Variants in CNTNAP2 observed in about 807,000 individuals in gnomAD.
CNTNAP2 encodes contactin-associated protein-like 2.
A neutral mutation model predicts 155.2 loss-of-function variants in CNTNAP2; 98 were observed. That is an observed-to-expected ratio of 0.63 (90% CI 0.54 to 0.75). The LOEUF is 0.75. Ranked by LOEUF, CNTNAP2 falls within the 30% of genes least tolerant of loss-of-function variation. CNTNAP2 has a pLI of 0.00. For synonymous variants in CNTNAP2, 651 were observed against 631.2 expected (o/e 1.03, Z -0.47); for missense variants, 1,727 against 1,688.1 (o/e 1.02, Z -0.40).
intron 1 of CNTNAP2, among the ~76,000 whole-genome samples, chr7:146,523,982 G>A (rs952648006): frequency 4.6e-5 from 7 of 151,980 alleles, no homozygotes; most frequent in African/African-American, 1.4e-4. Context: ...TGAAAAGTCC[G>A]AGCAAAACTC....
At chr7:147,627,203 T>C (rs1794996214) in intron 12 of CNTNAP2, among the ~76,000 whole-genome samples, 1 of 152,138 alleles carries the variant, frequency 6.6e-6, no homozygotes, top group Non-Finnish European at 1.5e-5. Flanking sequence ...ACTGAAATAA[T>C]CTACGCAAAC....
intron 8 of CNTNAP2, among the ~76,000 whole-genome samples, chr7:147,271,762 C>G (rs144704566): frequency 6.6e-6 from 1 of 152,096 alleles, no homozygotes; most frequent in Non-Finnish European, 1.5e-5. Context: ...CATGATTCAG[C>G]GATCTCCTAC....
intron 13 of CNTNAP2, among the ~76,000 whole-genome samples, chr7:147,824,492 C>T (rs577609259): frequency 7.2e-5 from 11 of 152,194 alleles, no homozygotes; most frequent in African/African-American, 2.6e-4. Context: ...GCTTACCAAA[C>T]AATTGAGGCC....
intron 10 of CNTNAP2, among the ~76,000 whole-genome samples, chr7:147,449,193 G>C (rs937306259): frequency 1.3e-5 from 2 of 151,922 alleles, no homozygotes; most frequent in Non-Finnish European, 2.9e-5. Flanking sequence ...CCTACAAAAA[G>C]AAATCTTAGC....
At chr7:147,513,988 G>A (rs971655943) in intron 11 of CNTNAP2, among the ~76,000 whole-genome samples, 1 of 152,154 alleles carries the variant, frequency 6.6e-6, no homozygotes, top group African/African-American at 2.4e-5. Context: ...TTCACCAGAG[G>A]TAGAGAGCAC....
intron 11 of CNTNAP2, among the ~76,000 whole-genome samples, chr7:147,548,021 G>A (rs1003389938): frequency 6.6e-6 from 1 of 152,120 alleles, no homozygotes; most frequent in East Asian, 1.9e-4. Flanking sequence ...TGGGCATTTT[G>A]GTTGGTTCTA....
chr7:146,237,636 T>C (rs1481851290), intron 1 of CNTNAP2, among the ~76,000 whole-genome samples: 1 of 151,990 alleles, frequency 6.6e-6, no homozygotes, highest in African/African-American at 2.4e-5. Flanking sequence ...ATTTCTGATA[T>C]GAAATACATT....
intron 22 of CNTNAP2, chr7:148,389,566 C>G (rs1799299396): frequency 6.6e-6 from 1 of 152,198 alleles, no homozygotes; most frequent in Non-Finnish European, 1.5e-5. Context: ...TCACTTTACT[C>G]TATGGATGCA....
chr7:147,055,784 C>T (rs1030617521), intron 4 of CNTNAP2, among the ~76,000 whole-genome samples: 6 of 151,992 alleles, frequency 3.9e-5, no homozygotes, highest in Admixed American at 1.3e-4. Context: ...TAGGAGGGAA[C>T]GGAAGCCCAA....
chr7:146,641,329 AAAAT>A (rs1799703889), intron 1 of CNTNAP2, among the ~76,000 whole-genome samples: 1 of 152,348 alleles, frequency 6.6e-6, no homozygotes, highest in Admixed American at 6.5e-5. Flanking sequence ...CCGTCTCAAA[AAAAT>A]AAATAAAAAT....
At chr7:147,814,075 C>A (rs1392027782) in intron 13 of CNTNAP2, among the ~76,000 whole-genome samples, 1 of 152,014 alleles carries the variant, frequency 6.6e-6, no homozygotes, top group Non-Finnish European at 1.5e-5. Context: ...TTTTGCCTTT[C>A]CAAAAGGGAT....
At position 148,217,539 on chromosome 7, in the gene CNTNAP2, A is replaced by G. The variant is rs201602527; in HGVS notation, c.3247+15A>G. ...CAAACCCACTGGTAAGGACAAGGAT[A>G]CCCAGCCTCTGCCATTTAACATTTG... On this transcript the variant is annotated intron_variant, in intron 19 of 23. Transcript: ENST00000361727. The G allele has an allele frequency of 3.8e-4, 612 of 1,609,816 alleles. No homozygotes were observed. Among genetic ancestry groups the G allele is most frequent in the Non-Finnish European group, 4.9e-4 (577 of 1,176,290 alleles).
intron 4 of CNTNAP2, chr7:147,080,946 ATTGT>A (rs1177978601): frequency 2.6e-5 from 4 of 151,970 alleles, no homozygotes; most frequent in African/African-American, 9.7e-5. Context: ...CACACATAAT[ATTGT>A]TTATTTCTCC....
intron 17 of CNTNAP2, among the ~76,000 whole-genome samples, chr7:148,157,712 G>A (rs577362364): frequency 6.6e-6 from 1 of 152,122 alleles, no homozygotes; most frequent in African/African-American, 2.4e-5. Context: ...TGTGATGCTG[G>A]CTGCAATCCT....
chr7:146,867,722 G>T (rs1184109076), intron 3 of CNTNAP2, among the ~76,000 whole-genome samples: 1 of 151,120 alleles, frequency 6.6e-6, no homozygotes, highest in Non-Finnish European at 1.5e-5. Flanking sequence ...TCTGACTGGC[G>T]TGAGGTGGTA....
At chr7:146,337,861 T>C (rs570043652) in intron 1 of CNTNAP2, among the ~76,000 whole-genome samples, 3 of 152,294 alleles carry the variant, frequency 2.0e-5, no homozygotes, top group African/African-American at 7.2e-5. Flanking sequence ...ACCTTACACA[T>C]AAATGAGTTT....
chr7:147,938,803 T>G (rs1800663386), intron 14 of CNTNAP2, among the ~76,000 whole-genome samples: 1 of 152,114 alleles, frequency 6.6e-6, no homozygotes, highest in African/African-American at 2.4e-5. Flanking sequence ...GCTATTGTAT[T>G]TTTCTAGTTT....
At chr7:146,443,052 A>T (rs1796348059) in intron 1 of CNTNAP2, among the ~76,000 whole-genome samples, 1 of 151,656 alleles carries the variant, frequency 6.6e-6, no homozygotes, top group Non-Finnish European at 1.5e-5. Flanking sequence ...TAAAAAAAAA[A>T]TACAAAAAAA....
Position 148,043,058 on chromosome 7 carries a change from C to T in CNTNAP2, c.2383+65069C>T, listed in dbSNP as rs549209848. 2.6e-5 allele frequency among the ~76,000 whole-genome samples: 4 copies of T among 152,326 alleles called. No homozygotes were observed. The South Asian group carries it at 8.3e-4, about 32-fold the overall frequency. Reference sequence around the variant, plus strand: ...CAGCTTTGATGCAAGACTTCACCTGCTAAAAGCATCTCTTTATGGTTTGAC... The same window carrying T: ...CAGCTTTGATGCAAGACTTCACCTGTTAAAAGCATCTCTTTATGGTTTGAC... On this transcript the variant is annotated intron_variant, in intron 15 of 23. Transcript: ENST00000361727.
Sources: allele counts gnomAD v4.1 joint callset (sites outside exome capture counted in the v4.1 genomes callset), GRCh38; gene constraint gnomAD v4.1.1; transcripts MANE v1.5; gene names NCBI Gene and HGNC (gene_info 2026-07-23, HGNC 2026-07-21).